CRY1: variants seen among roughly 807,000 people sequenced by gnomAD.
CRY1 encodes cryptochrome circadian regulator 1, also known as cryptochrome-1.
CRY1 carries 45 observed loss-of-function variants against 76.0 expected under a neutral mutation model. The ratio of observed to expected loss-of-function variants is 0.59; its 90% CI spans 0.47 to 0.76. CRY1 has a LOEUF of 0.76. CRY1 is among the 30% of genes least tolerant of loss of function. CRY1 has a pLI of 0.00. For missense variants in CRY1, 587 were observed against 716.4 expected, an observed-to-expected ratio of 0.82 and a Z score of 2.06; for synonymous variants, 248 against 244.0, an observed-to-expected ratio of 1.02 and a Z score of -0.15.
At chr12:107,006,923 C>T (rs559021685) in intron 2 of CRY1, among the ~76,000 whole-genome samples, 1 of 152,186 alleles carries the variant, frequency 6.6e-6, no homozygotes, top group South Asian at 2.1e-4. Flanking sequence ...GGATTACAGG[C>T]GTGAGCCACC....
At chr12:107,021,946 A>T in intron 2 of CRY1, 138 bp downstream of exon 2, 1 of 618,634 alleles carries the variant, frequency 1.6e-6, no homozygotes, top group Non-Finnish European at 2.8e-6. Flanking sequence ...TTCATTAAAT[A>T]AAGAAAAAAA....
chr12:107,034,835 G>A (rs758579110), intron 1 of CRY1, among the ~76,000 whole-genome samples: 3 of 152,098 alleles, frequency 2.0e-5, no homozygotes, highest in South Asian at 2.1e-4. Flanking sequence ...ATAAATAAGC[G>A]TTTCAAAGGA....
At chr12:107,090,827 T>C (rs1015091572) in intron 1 of CRY1, among the ~76,000 whole-genome samples, 9 of 152,170 alleles carry the variant, frequency 5.9e-5, no homozygotes, top group African/African-American at 1.7e-4. Context: ...CTATCTCCAT[T>C]TGAATGTGTA....
intron 1 of CRY1, among the ~76,000 whole-genome samples, chr12:107,055,032 T>C (rs1952967070): frequency 6.6e-6 from 1 of 152,078 alleles, no homozygotes; most frequent in Admixed American, 6.5e-5. Flanking sequence ...GGACAACTTA[T>C]TAACAACCTT....
chr12:107,025,571 T>C (rs978565397), intron 1 of CRY1, among the ~76,000 whole-genome samples: 2 of 152,176 alleles, frequency 1.3e-5, no homozygotes, highest in Admixed American at 1.3e-4. Context: ...CACAATTATA[T>C]GTTATCTATT....
At chr12:107,008,818 A>T (rs1474768975) in intron 2 of CRY1, among the ~76,000 whole-genome samples, 1 of 152,166 alleles carries the variant, frequency 6.6e-6, no homozygotes, top group Non-Finnish European at 1.5e-5. Context: ...ATAGTGAATA[A>T]GTCTCACAAG....
At chr12:107,041,700 G>A (rs1360370030) in intron 1 of CRY1, among the ~76,000 whole-genome samples, 1 of 151,048 alleles carries the variant, frequency 6.6e-6, no homozygotes, top group East Asian at 2.0e-4. Context: ...AGCAAATGGA[G>A]GAGCTATATA....
intron 2 of CRY1, among the ~76,000 whole-genome samples, chr12:107,017,728 T>A (rs1039821318): frequency 6.6e-6 from 1 of 152,216 alleles, no homozygotes; most frequent in Admixed American, 6.5e-5. Context: ...TCAGATTCAA[T>A]GGGGTAAGGA....
chr12:107,005,310 C>A, intron 2 of CRY1, 62 bp from the exon 3 acceptor site: 33 of 1,483,014 alleles, frequency 2.2e-5, no homozygotes, highest in Middle Eastern at 1.8e-4. Context: ...TCTATTATAA[C>A]GAAAAGTGAA....
chr12:107,062,510 C>A (rs1435893869), intron 1 of CRY1, among the ~76,000 whole-genome samples: 1 of 151,992 alleles, frequency 6.6e-6, no homozygotes, highest in African/African-American at 2.4e-5. Context: ...TGTGTCAGCG[C>A]TGACATAATA....
intron 1 of CRY1, among the ~76,000 whole-genome samples, chr12:107,038,785 G>A (rs957407556): frequency 1.3e-5 from 2 of 152,166 alleles, no homozygotes; most frequent in African/African-American, 2.4e-5. Flanking sequence ...TGCACATTGG[G>A]AGAATGTGAA....
intron 1 of CRY1, among the ~76,000 whole-genome samples, chr12:107,057,281 T>C (rs1952995343): frequency 6.6e-6 from 1 of 152,050 alleles, no homozygotes; most frequent in Admixed American, 6.5e-5. Context: ...GCCCAATAAA[T>C]GCCAAGTAGA....
intron 2 of CRY1, among the ~76,000 whole-genome samples, chr12:107,005,548 C>G (rs973968947): frequency 1.3e-5 from 2 of 152,170 alleles, no homozygotes; most frequent in Non-Finnish European, 2.9e-5. Context: ...CTCATACTTA[C>G]ATTATTTCAT....
intron 1 of CRY1, among the ~76,000 whole-genome samples, chr12:107,065,901 C>T (rs1156740053): frequency 6.6e-6 from 1 of 152,200 alleles, no homozygotes; most frequent in Non-Finnish European, 1.5e-5. Context: ...AGTACACATG[C>T]TCAACCCAGC....
At chr12:107,042,409 A>G (rs1319574640) in intron 1 of CRY1, among the ~76,000 whole-genome samples, 1 of 152,224 alleles carries the variant, frequency 6.6e-6, no homozygotes, top group African/African-American at 2.4e-5. Context: ...ACTGAAACAC[A>G]TGATCAAGGT....
intron 1 of CRY1, among the ~76,000 whole-genome samples, chr12:107,066,823 C>A (rs772225095): frequency 1.3e-5 from 2 of 150,234 alleles, no homozygotes; most frequent in Admixed American, 1.3e-4. Flanking sequence ...CAAGACAGAG[C>A]CTTGCTCTGT....
intron 7 of CRY1, 132 bp downstream of exon 7, chr12:106,999,419 G>T: frequency 1.3e-6 from 1 of 779,944 alleles, no homozygotes; most frequent in Non-Finnish European, 2.0e-6. Flanking sequence ...CCCGTATTTG[G>T]GGAATTAAAT....
At chr12:107,016,304 G>A (rs748051029) in intron 2 of CRY1, among the ~76,000 whole-genome samples, 1 of 151,580 alleles carries the variant, frequency 6.6e-6, no homozygotes. Flanking sequence ...AGTGAGACTT[G>A]GTCTCAAAAA....
intron 1 of CRY1, among the ~76,000 whole-genome samples, chr12:107,061,584 G>C (rs2136884139): frequency 6.6e-6 from 1 of 152,050 alleles, no homozygotes. Context: ...GTTTCACCAT[G>C]TTGGCCAGGC....
Sources: allele counts gnomAD v4.1 joint callset (sites outside exome capture counted in the v4.1 genomes callset), GRCh38; gene constraint gnomAD v4.1.1; transcripts MANE v1.5; gene names NCBI Gene and HGNC (gene_info 2026-07-23, HGNC 2026-07-21).